Variants in SLC44A5 observed in about 807,000 individuals in gnomAD.
The protein encoded by SLC44A5 is choline transporter-like protein 5.
A neutral mutation model predicts 101.8 loss-of-function variants in SLC44A5; 57 were observed. The observed-to-expected ratio is 0.56, with a 90% CI of 0.45 to 0.70. The LOEUF (loss-of-function observed/expected upper bound fraction) is 0.70, where lower values mean the gene tolerates loss of function less well. SLC44A5 is among the 30% of genes least tolerant of loss of function. The probability of loss-of-function intolerance (pLI) is 0.00; values close to 1 mark genes in which losing one functional copy is unlikely to be tolerated. For synonymous variants in SLC44A5, 281 were observed against 290.9 expected, an observed-to-expected ratio of 0.97 and a Z score of 0.35; for missense variants, 737 against 853.1, an observed-to-expected ratio of 0.86 and a Z score of 1.70.
At chr1:75,506,838 G>T (rs980306245) in intron 2 of SLC44A5, among the ~76,000 whole-genome samples, 12 of 149,778 alleles carry the variant, frequency 8.0e-5, no homozygotes, top group Non-Finnish European at 3.0e-5. Context: ...TTACCTGATT[G>T]CTCTGTCTAG....
intron 2 of SLC44A5, among the ~76,000 whole-genome samples, chr1:75,464,221 CAAAAAAAA>C (rs57630961): frequency 1.9e-5 from 1 of 52,236 alleles, no homozygotes; most frequent in African/African-American, 7.4e-5. Context: ...GACTCTGTCT[CAAAAAAAA>C]AAAAAAAAAA....
intron 3 of SLC44A5, among the ~76,000 whole-genome samples, chr1:75,392,708 T>G (rs541339946): frequency 6.6e-6 from 1 of 152,274 alleles, no homozygotes; most frequent in African/African-American, 2.4e-5. Context: ...CACTTGTATG[T>G]TTATTGCACC....
chr1:75,611,173 C>T (rs1344941887), upstream of SLC44A5: 1 of 852,620 alleles, frequency 1.2e-6, no homozygotes, highest in Admixed American at 6.2e-5. Context: ...AGGGCCATAC[C>T]CCATTCTTAG....
intron 2 of SLC44A5, among the ~76,000 whole-genome samples, chr1:75,493,751 G>A (rs1166127136): frequency 1.3e-5 from 2 of 152,316 alleles, no homozygotes; most frequent in East Asian, 3.9e-4. Flanking sequence ...CAAGATGACA[G>A]AATAGGAGGC....
At chr1:75,678,620 A>G in the SLC44A5 span, among the ~76,000 whole-genome samples, 1 of 150,240 alleles carries the variant, frequency 6.7e-6, no homozygotes, top group African/African-American at 2.5e-5. Flanking sequence ...GTACATCACC[A>G]TCATCAAAGA....
chr1:75,255,130 T>G (rs539971291), intron 6 of SLC44A5, among the ~76,000 whole-genome samples: 2 of 152,228 alleles, frequency 1.3e-5, no homozygotes, highest in African/African-American at 4.8e-5. Flanking sequence ...TGCAGAGGCC[T>G]CCTTGGTAAG....
Position 75,413,939 on chromosome 1 carries a change from C to T in SLC44A5, c.14-17318G>A, listed in dbSNP as rs558709710. ...GCCAGTCTTGCTTTTCTTCCCTTGG[C>T]TGTTGTCTTACTGTATTCCTTATGT... is the stretch of plus-strand genomic sequence containing the variant. On this transcript the variant is annotated intron_variant, in intron 2 of 23. Transcript: ENST00000370859. Among the ~76,000 whole-genome samples, 17 of 152,280 alleles carry T rather than the reference C, an allele frequency of 1.1e-4. No homozygotes were observed. The East Asian group carries it at 3.1e-3, about 28-fold the overall frequency.
chr1:75,289,405 C>T (rs1653347294), intron 5 of SLC44A5, among the ~76,000 whole-genome samples: 1 of 152,192 alleles, frequency 6.6e-6, no homozygotes, highest in East Asian at 1.9e-4. Flanking sequence ...CCCCTTGGCC[C>T]TGAATGAACA....
rs562157673 is a variant in SLC44A5, at chr1:75,539,073, G to A, written c.13+2362C>T. Among the ~76,000 whole-genome samples the A allele has an allele frequency of 6.6e-5, 10 of 152,180 alleles. 1 individual carries two copies. In the East Asian group the frequency reaches 9.7e-4, roughly 15 times the overall value. ...CTGTCACTTTGCCTGTCTCTGTCCT[G>A]GTGGACACCAAAACTTAAATAGTCT... On this transcript the variant is annotated intron_variant, in intron 2 of 23. Coordinates refer to ENST00000370859, the MANE Select transcript of SLC44A5 (RefSeq NM_001130058.2).
the SLC44A5 span, among the ~76,000 whole-genome samples, chr1:75,709,128 T>C: frequency 6.6e-6 from 1 of 151,804 alleles, no homozygotes; most frequent in Admixed American, 6.6e-5. Context: ...AACTTGATTC[T>C]CCTGGTTGAA....
chr1:75,275,823 A>C (rs1057177532), intron 5 of SLC44A5, among the ~76,000 whole-genome samples: 1 of 152,114 alleles, frequency 6.6e-6, no homozygotes, highest in African/African-American at 2.4e-5. Context: ...AACTTCTCCA[A>C]TTTGACTAAT....
At chr1:75,670,087 G>A in the SLC44A5 span, among the ~76,000 whole-genome samples, 1 of 151,970 alleles carries the variant, frequency 6.6e-6, no homozygotes, top group Non-Finnish European at 1.5e-5. Flanking sequence ...CAAATTACAA[G>A]ACTTCTAAAA....
chr1:75,672,176 A>G, the SLC44A5 span, among the ~76,000 whole-genome samples: 1 of 152,146 alleles, frequency 6.6e-6, no homozygotes, highest in Non-Finnish European at 1.5e-5. Context: ...AACATGTCAG[A>G]AAAGAGGCGC....
intron 3 of SLC44A5, among the ~76,000 whole-genome samples, chr1:75,355,156 TAC>T (rs2101088126): frequency 6.6e-6 from 1 of 152,308 alleles, no homozygotes; most frequent in East Asian, 1.9e-4. Context: ...AAATTTCCCA[TAC>T]ACATTCTTAT....
the SLC44A5 span, among the ~76,000 whole-genome samples, chr1:75,662,224 T>C: frequency 6.6e-6 from 1 of 152,086 alleles, no homozygotes; most frequent in African/African-American, 2.4e-5. Flanking sequence ...GTGGGGGACA[T>C]TATGTTAAGT....
chr1:75,659,493 GCAGGCAGGCAGGC>G, the SLC44A5 span, among the ~76,000 whole-genome samples: 1 of 109,032 alleles, frequency 9.2e-6, no homozygotes, highest in Admixed American at 8.8e-5. Context: ...AGGAAGGAAG[GCAGGCAGGCAGGC>G]AGGCAGGCAG....
chr1:75,470,527 A>C (rs1667048394), intron 2 of SLC44A5, among the ~76,000 whole-genome samples: 1 of 152,194 alleles, frequency 6.6e-6, no homozygotes, highest in Non-Finnish European at 1.5e-5. Flanking sequence ...TATAGTGTGA[A>C]GACTACCAAG....
intron 1 of SLC44A5, among the ~76,000 whole-genome samples, chr1:75,548,846 T>C (rs1671789768): frequency 6.6e-6 from 1 of 152,172 alleles, no homozygotes; most frequent in African/African-American, 2.4e-5. Context: ...AGCCAATTCA[T>C]GTCAAAGTAA....
At chr1:75,597,797 G>T (rs1478311469) in intron 1 of SLC44A5, among the ~76,000 whole-genome samples, 1 of 151,942 alleles carries the variant, frequency 6.6e-6, no homozygotes, top group African/African-American at 2.4e-5. Flanking sequence ...AACTCAAGAT[G>T]GATTAAAGAC....
Sources: gnomAD v4.1 joint callset for allele counts (sites outside exome capture counted in the v4.1 genomes callset) on GRCh38, gnomAD v4.1.1 for gene constraint, MANE v1.5 for transcripts, NCBI Gene and HGNC (gene_info 2026-07-23, HGNC 2026-07-21) for gene names.